The following FOXJ3 variants were observed in gnomAD, a reference collection of about 807,000 sequenced individuals.
FOXJ3 encodes forkhead box J3, also known as forkhead box protein J3.
A neutral mutation model predicts 76.1 loss-of-function variants in FOXJ3; 22 were observed. The observed-to-expected ratio is 0.29, with a 90% CI of 0.21 to 0.41. The LOEUF is 0.41. FOXJ3 is among the 10% of genes least tolerant of loss of function. The pLI is 1.00. For synonymous variants in FOXJ3, 269 were observed against 261.2 expected (o/e 1.03, Z -0.29); for missense variants, 613 against 762.1 (o/e 0.80, Z 2.30).
chr1:42,204,043 C>A (rs1646813851), intron 6 of FOXJ3, among the ~76,000 whole-genome samples: 2 of 151,296 alleles, frequency 1.3e-5, no homozygotes, highest in Admixed American at 1.3e-4. Context: ...TCCTCAGGAT[C>A]TCGGCTCTGC....
chr1:42,297,854 G>C (rs1285611718), intron 2 of FOXJ3, among the ~76,000 whole-genome samples: 1 of 152,144 alleles, frequency 6.6e-6, no homozygotes, highest in Non-Finnish European at 1.5e-5. Flanking sequence ...TTCTGAAATA[G>C]TTTCAGTATT....
chr1:42,218,066 GAAAT>G (rs1024107816), intron 5 of FOXJ3, among the ~76,000 whole-genome samples: 1 of 152,102 alleles, frequency 6.6e-6, no homozygotes, highest in African/African-American at 2.4e-5. Context: ...TTTCCCAATT[GAAAT>G]AAATATTTAT....
chr1:42,191,522 G>T lies in FOXJ3; in HGVS notation c.1132C>A (p.Gln378Lys). The part of the protein sequence containing the change: ...VSLSHPQMHT[Q>K]PSPHPPHRPH... ...CGATGGGGAGGATGTGGAGATGGCT[G>T]TGTGTGCATCTGGGGGTGAGACAGT... The change falls in exon 9 of 13, where the codon CAG becomes AAG. Residue 378 changes from glutamine (Q) to lysine (K), a missense_variant. By Grantham distance (53) the Gln-to-Lys change is moderately conservative (BLOSUM62 1). Around this residue, in one of 3 missense-constraint regions of FOXJ3, gnomAD observed 526 missense variants for 601.4 expected, o/e 0.87. Transcript: ENST00000361346. The T allele has an allele frequency of 6.2e-7, 1 of 1,614,108 alleles. No individual in the cohort carries two copies. The highest frequency in any genetic ancestry group is 2.2e-5 in the East Asian group (1 of 44,882).
At chr1:42,212,968 A>AC (rs1392090354) in intron 5 of FOXJ3, among the ~76,000 whole-genome samples, 4 of 143,514 alleles carry the variant, frequency 2.8e-5, no homozygotes, top group Non-Finnish European at 4.4e-5. Context: ...AAAAAAAAAA[A>AC]AAACAAAAAA....
chr1:42,312,117 TC>T (rs1557717698), intron 1 of FOXJ3, among the ~76,000 whole-genome samples: 1 of 152,144 alleles, frequency 6.6e-6, no homozygotes, highest in Non-Finnish European at 1.5e-5. Flanking sequence ...CCAGTTCTAG[TC>T]AATTGTTGCT....
At chr1:42,328,816 A>G (rs1655992754) in intron 1 of FOXJ3, among the ~76,000 whole-genome samples, 1 of 151,258 alleles carries the variant, frequency 6.6e-6, no homozygotes, top group Non-Finnish European at 1.5e-5. Context: ...GCAGGAACCC[A>G]CAACCATGCC....
Position 42,240,298 on chromosome 1 carries a change from T to G in FOXJ3, c.445-12332A>C, listed in dbSNP as rs189221994. Among the ~76,000 whole-genome samples the G allele has an allele frequency of 5.0e-3, 760 of 152,318 alleles. 2 individuals are homozygous for G. The highest frequency in any genetic ancestry group is 0.017 in the African/African-American group (698 of 41,564). On this transcript the variant is annotated intron_variant, in intron 4 of 12. Transcript: ENST00000361346. ...GATGGCGACACTCCCCAAATCAATG[T>G]ATAGATTCAATGTAAGTCCTATCAA...
chr1:42,206,597 T>C (rs1261090388), intron 5 of FOXJ3, among the ~76,000 whole-genome samples: 1 of 152,168 alleles, frequency 6.6e-6, no homozygotes, highest in African/African-American at 2.4e-5. Context: ...TTTAAAACTT[T>C]TGCTATTTAT....
intron 2 of FOXJ3, among the ~76,000 whole-genome samples, chr1:42,288,412 C>T (rs1217755645): frequency 6.6e-6 from 1 of 152,220 alleles, no homozygotes; most frequent in Non-Finnish European, 1.5e-5. Context: ...CTTCAGCTCA[C>T]CAGCCAACAT....
intron 4 of FOXJ3, among the ~76,000 whole-genome samples, chr1:42,237,941 T>C (rs901213777): frequency 4.2e-4 from 61 of 146,620 alleles, no homozygotes; most frequent in East Asian, 2.0e-3. Flanking sequence ...CACACACACA[T>C]ATATATAGAC....
At chr1:42,296,303 C>G (rs1411887624) in intron 2 of FOXJ3, among the ~76,000 whole-genome samples, 1 of 152,128 alleles carries the variant, frequency 6.6e-6, no homozygotes, top group Non-Finnish European at 1.5e-5. Flanking sequence ...TTGAGTATTT[C>G]TTTTGCTGTG....
chr1:42,262,499 A>G (rs1651118319), intron 4 of FOXJ3, among the ~76,000 whole-genome samples: 2 of 152,244 alleles, frequency 1.3e-5, no homozygotes, highest in Non-Finnish European at 2.9e-5. Flanking sequence ...AATGTATTTT[A>G]TAAGACCAAA....
At chr1:42,242,065 A>T (rs1289860102) in intron 4 of FOXJ3, among the ~76,000 whole-genome samples, 1 of 152,212 alleles carries the variant, frequency 6.6e-6, no homozygotes, top group Non-Finnish European at 1.5e-5. Flanking sequence ...ACCCAGAATC[A>T]AAGTTAAAGT....
chr1:42,277,793 T>A lies in FOXJ3; in HGVS notation c.369+555A>T, dbSNP rs1422701167. ...GCCTGGGCGACAGAGCGAGACTCCG[T>A]CTCAAAAAAAAAAAAAAAAAAAAAA... On this transcript the variant is annotated intron_variant, in intron 3 of 12. Coordinates refer to ENST00000361346, the MANE Select transcript of FOXJ3 (RefSeq NM_014947.5). Among the ~76,000 whole-genome samples, 38 of 6,146 alleles carry A rather than the reference T, an allele frequency of 6.2e-3. 8 individuals are homozygous for A. Among genetic ancestry groups the A allele is most frequent in the African/African-American group, 0.018 (38 of 2,068 alleles). The allele number at this position is 6,146 out of a possible 152,430, so 4.0% of individuals were successfully genotyped here.
rs991585117 is a variant in FOXJ3, at chr1:42,195,391, A to G, written c.760-327T>C. ...TTCTAGCCTTTCTGTAGAATCTTCA[A>G]TCTTGATTTCTACATAAGGTATTTT... On this transcript the variant is annotated intron_variant, in intron 7 of 12. Coordinates refer to ENST00000361346, the MANE Select transcript of FOXJ3 (RefSeq NM_014947.5). 5.9e-5 allele frequency among the ~76,000 whole-genome samples: 9 copies of G among 152,188 alleles called. No individual in the cohort carries two copies. The East Asian group carries it at 7.7e-4, about 13-fold the overall frequency.
rs915821616 is a variant in FOXJ3, at chr1:42,334,162, T to C, written c.-18+897A>G. 4.1e-6 allele frequency: 4 copies of C among 972,182 alleles called. No individual in the cohort carries two copies. In the African/African-American group the frequency reaches 5.3e-5, roughly 13 times the overall value. The allele number at this position is 972,182 out of a possible 1,614,324, so 60.2% of individuals were successfully genotyped here. On this transcript the variant is annotated intron_variant, in intron 1 of 12. Coordinates refer to ENST00000361346, the MANE Select transcript of FOXJ3 (RefSeq NM_014947.5). ...TGAATGCATCGGTAGCAAGCGCTTA[T>C]TCTCTATAATTAAGCAACAGAGAAA...
intron 4 of FOXJ3, among the ~76,000 whole-genome samples, chr1:42,248,433 C>T (rs1649717561): frequency 6.6e-6 from 1 of 151,466 alleles, no homozygotes; most frequent in Non-Finnish European, 1.5e-5. Flanking sequence ...ACTCGGGAGG[C>T]TGAGGCAGGA....
At chr1:42,252,646 A>T in intron 4 of FOXJ3, among the ~76,000 whole-genome samples, 1 of 139,606 alleles carries the variant, frequency 7.2e-6, no homozygotes, top group African/African-American at 2.7e-5. Context: ...CTCTGATTTT[A>T]GTTATTTCTT....
Position 42,248,730 on chromosome 1 carries a change from CTTTT to C in FOXJ3, c.444+16381_444+16384del, listed in dbSNP as rs4019587. Among the ~76,000 whole-genome samples, 154 of 92,230 alleles carry C rather than the reference CTTTT, an allele frequency of 1.7e-3. 1 individual carries two copies. The highest frequency in any genetic ancestry group is 5.0e-3 in the African/African-American group (124 of 24,766). The allele number at this position is 92,230 out of a possible 152,430, so 60.5% of individuals were successfully genotyped here. A position where few individuals can be genotyped will look rare whatever the true frequency, so the allele number is the denominator to read the frequency against. ...AAAGAACTCAAGTCTCCTGTTTTTT[CTTTT>C]TTTTTTTTTTTTTTTTTTTTTTAAG... On this transcript the variant is annotated intron_variant, in intron 4 of 12. Coordinates refer to ENST00000361346, the MANE Select transcript of FOXJ3 (RefSeq NM_014947.5).
Sources: allele counts gnomAD v4.1 joint callset (sites outside exome capture counted in the v4.1 genomes callset), GRCh38; gene constraint gnomAD v4.1.1; regional missense constraint gnomAD v4.1.1; transcripts MANE v1.5; gene names NCBI Gene and HGNC (gene_info 2026-07-23, HGNC 2026-07-21).